Variants in NDUFS1 observed in about 807,000 individuals in gnomAD.
NDUFS1 encodes NADH:ubiquinone oxidoreductase core subunit S1, also known as NADH-ubiquinone oxidoreductase 75 kDa subunit, mitochondrial.
Under a neutral mutation model 84.4 loss-of-function variants are expected in NDUFS1, and 61 were observed. The ratio of observed to expected loss-of-function variants is 0.72; its 90% CI spans 0.59 to 0.89. The LOEUF (loss-of-function observed/expected upper bound fraction) is 0.89. Among genes scored for constraint, NDUFS1 ranks in the 40% least tolerant of loss-of-function variants. The pLI is 0.00. For missense variants in NDUFS1, 891 were observed against 890.0 expected, an observed-to-expected ratio of 1.00 and a Z score of -0.01; for synonymous variants, 275 against 290.0, an observed-to-expected ratio of 0.95 and a Z score of 0.53.
chr2:206,136,856 A>T lies in NDUFS1; in HGVS notation c.1392+1629T>A, dbSNP rs537856490. Among the ~76,000 whole-genome samples the T allele has an allele frequency of 3.3e-5, 5 of 151,904 alleles. No homozygotes were observed. The South Asian group carries it at 6.2e-4, about 19-fold the overall frequency. ...CCACAACCTCCACCTCTCAGGTTCAAGCGATTCTCCTGCCTCAGCCTCCTG... is the reference window on the plus strand; with the variant it reads ...CCACAACCTCCACCTCTCAGGTTCATGCGATTCTCCTGCCTCAGCCTCCTG... On this transcript the variant is annotated intron_variant, in intron 13 of 18. Coordinates refer to ENST00000233190, the MANE Select transcript of NDUFS1 (RefSeq NM_005006.7).
At chr2:206,152,552 T>C in intron 2 of NDUFS1, 42 bp from the exon 3 acceptor site, 1 of 1,538,118 alleles carries the variant, frequency 6.5e-7, no homozygotes. Context: ...GATTAACAGT[T>C]TATTATAGCA....
intron 16 of NDUFS1, chr2:206,127,572 G>A (rs537733372): frequency 2.2e-6 from 1 of 455,850 alleles, no homozygotes; most frequent in African/African-American, 2.0e-5. Flanking sequence ...TATTTTTTAA[G>A]AGACAGGGTC....
In NDUFS1 at chr2:206,116,496, GC is replaced by G; in HGVS notation, c.*7688del. The G allele has an allele frequency of 8.2e-7, 1 of 1,214,078 alleles. No individual in the cohort carries two copies. Among genetic ancestry groups the G allele is most frequent in the Non-Finnish European group, 1.2e-6 (1 of 856,842 alleles). 75.2% of individuals were successfully genotyped at this position (1,214,078 alleles called of 1,614,324 possible). Reference sequence around the variant, plus strand: ...CCGCACGCTCCGCACCACTCGCAGCGCCATGTTCCCAGGGGTGCGGGGATGG... The same window carrying G: ...CCGCACGCTCCGCACCACTCGCAGCGCATGTTCCCAGGGGTGCGGGGATGG... On this transcript the variant is annotated 3_prime_UTR_variant, in exon 19 of 19. Coordinates refer to ENST00000233190, the MANE Select transcript of NDUFS1 (RefSeq NM_005006.7).
chr2:206,134,244 C>T lies in NDUFS1; in HGVS notation c.1393-1139G>A, dbSNP rs950946513. Among the ~76,000 whole-genome samples the T allele has an allele frequency of 4.6e-5, 7 of 152,184 alleles. No individual in the cohort carries two copies. In the East Asian group the frequency reaches 9.6e-4, roughly 21 times the overall value. ...CTCACTTAAAAACTCAAAGAAGCAA[C>T]ACTGTAGAGTATTATATAGTAAGGA... is the stretch of plus-strand genomic sequence containing the variant. On this transcript the variant is annotated intron_variant, in intron 13 of 18. Transcript: ENST00000233190.
At chr2:206,136,603 T>A (rs1157283053) in intron 13 of NDUFS1, among the ~76,000 whole-genome samples, 2 of 150,642 alleles carry the variant, frequency 1.3e-5, no homozygotes, top group African/African-American at 4.9e-5. Context: ...CCAGCTAATT[T>A]TTGTATTTTT....
At chr2:206,127,217 G>A (rs557553452) in intron 16 of NDUFS1, among the ~76,000 whole-genome samples, 12 of 152,304 alleles carry the variant, frequency 7.9e-5, no homozygotes, top group African/African-American at 2.6e-4. Flanking sequence ...CAAAAGACAA[G>A]TCAACAATTT....
At chr2:206,142,110 TAA>T (rs1691985975) in intron 11 of NDUFS1, 41 bp from the exon 12 acceptor site, 2 of 1,511,432 alleles carry the variant, frequency 1.3e-6, no homozygotes, top group Non-Finnish European at 1.8e-6. Context: ...ACTTTAAAAT[TAA>T]GACATACAGA....
intron 7 of NDUFS1, among the ~76,000 whole-genome samples, 188 bp downstream of exon 7, chr2:206,147,343 A>C (rs950694266): frequency 6.6e-6 from 1 of 152,174 alleles, no homozygotes; most frequent in Non-Finnish European, 1.5e-5. Flanking sequence ...TATAGATTTT[A>C]ATTTTTAAAT....
intron 5 of NDUFS1, among the ~76,000 whole-genome samples, chr2:206,148,396 T>C (rs1441873861): frequency 2.0e-5 from 3 of 152,162 alleles, no homozygotes; most frequent in Non-Finnish European, 2.9e-5. Flanking sequence ...TGGGCTCAAG[T>C]GATCCTCCCG....
In NDUFS1 at chr2:206,147,773, C is replaced by T. The variant is rs1256637522; in HGVS notation, c.400G>A (p.Gly134Arg). The T allele has an allele frequency of 6.2e-7, 1 of 1,614,130 alleles. No homozygotes were observed. The highest frequency in any genetic ancestry group is 1.3e-5 in the African/African-American group (1 of 75,030). The change falls in exon 6 of 19, where the codon GGA becomes AGA. Residue 134 changes from glycine to arginine, a missense_variant. Coordinates refer to ENST00000233190, the MANE Select transcript of NDUFS1 (RefSeq NM_005006.7). ...CATACCTGCAGATCACATTCACCTC[C>T]CTGGTCACAAATAGGACAGTCCAAT... ...HPLDCPICDQ[G>R]GECDLQDQSM...
At chr2:206,141,693 C>T (rs1344907373) in intron 12 of NDUFS1, among the ~76,000 whole-genome samples, 1 of 149,290 alleles carries the variant, frequency 6.7e-6, no homozygotes, top group African/African-American at 2.5e-5. Context: ...GAAATCGAGA[C>T]CATCCTGGCT....
chr2:206,126,080 T>C (rs559614732), intron 18 of NDUFS1, among the ~76,000 whole-genome samples: 1 of 152,226 alleles, frequency 6.6e-6, no homozygotes, highest in East Asian at 1.9e-4. Context: ...AACCTAGATG[T>C]TGTATCAACT....
intron 13 of NDUFS1, 145 bp downstream of exon 13, chr2:206,138,340 C>T: frequency 1.2e-6 from 1 of 823,478 alleles, no homozygotes; most frequent in South Asian, 1.6e-5. Flanking sequence ...CTCGGACTCC[C>T]AAAGTGCTGG....
rs753465234 is a variant in NDUFS1, at chr2:206,126,548, A to G, written c.2083T>C (p.Tyr695His). 6 of 1,614,030 alleles carry G rather than the reference A, an allele frequency of 3.7e-6. No homozygotes were observed. Among genetic ancestry groups the G allele is most frequent in the Non-Finnish European group, 5.1e-6 (6 of 1,179,994 alleles). Reference sequence around the variant, plus strand: ...GTTGACAATTACATACCTGTCATGTAGAAGTCTTTTATAGTTAGCTGAGGT... The same window carrying G: ...GTTGACAATTACATACCTGTCATGTGGAAGTCTTTTATAGTTAGCTGAGGT... ...VPPQLTIKDF[Y>H]MTDSISRASQ... The change falls in exon 18 of 19, where the codon TAC (tyrosine) becomes CAC (histidine). Residue 695 changes from tyrosine (Y) to histidine (H), a missense_variant. Tyr to His is a moderately conservative substitution (Grantham distance 83). Coordinates refer to ENST00000233190, the MANE Select transcript of NDUFS1 (RefSeq NM_005006.7).
At chr2:206,133,962 G>A (rs1559048168) in intron 13 of NDUFS1, among the ~76,000 whole-genome samples, 1 of 152,228 alleles carries the variant, frequency 6.6e-6, no homozygotes, top group African/African-American at 2.4e-5. Context: ...CTGGGCAACA[G>A]AGTGAGACTC....
chr2:206,141,546 A>AAAAAAT (rs201557892), intron 12 of NDUFS1, among the ~76,000 whole-genome samples: 1 of 149,508 alleles, frequency 6.7e-6, no homozygotes, highest in Non-Finnish European at 1.5e-5. Context: ...ACAAAAAAAT[A>AAAAAAT]AAAAATAAAA....
chr2:206,117,319 G>C lies in NDUFS1; in HGVS notation c.*6866C>G, dbSNP rs967957797. On this transcript the variant is annotated 3_prime_UTR_variant, in exon 19 of 19. Coordinates refer to ENST00000233190, the MANE Select transcript of NDUFS1 (RefSeq NM_005006.7). ...AATATGTTATGTCATTACTATAATT[G>C]ATGCCTACATATCTCTTTTAGTATA... is the stretch of plus-strand genomic sequence containing the variant. 1 of 152,226 alleles carries C rather than the reference G, an allele frequency of 6.6e-6. No individual in the cohort carries two copies. The highest frequency in any genetic ancestry group is 2.4e-5 in the African/African-American group (1 of 41,470). The allele number at this position is 152,226 out of a possible 1,614,324, so 9.4% of individuals were successfully genotyped here.
intron 1 of NDUFS1, among the ~76,000 whole-genome samples, chr2:206,156,560 A>G (rs998012643): frequency 2.6e-5 from 4 of 151,738 alleles, no homozygotes; most frequent in Non-Finnish European, 4.4e-5. Context: ...GGGTGACAGA[A>G]TAAGACCCTG....
chr2:206,142,564 C>T, intron 11 of NDUFS1, 122 bp downstream of exon 11: 1 of 1,236,380 alleles, frequency 8.1e-7, no homozygotes, highest in Non-Finnish European at 1.1e-6. Context: ...CTGGTTTGAT[C>T]TTGGTCTATA....
Sources: gnomAD v4.1 joint callset for allele counts (sites outside exome capture counted in the v4.1 genomes callset) on GRCh38, gnomAD v4.1.1 for gene constraint, MANE v1.5 for transcripts, NCBI Gene and HGNC (gene_info 2026-07-23, HGNC 2026-07-21) for gene names.